Variants in ZC3HAV1 observed in about 807,000 individuals in gnomAD.
The protein encoded by ZC3HAV1 is zinc finger CCCH-type containing, antiviral 1.
A neutral mutation model predicts 86.6 loss-of-function variants in ZC3HAV1; 41 were observed. The ratio of observed to expected loss-of-function variants is 0.47; its 90% confidence interval spans 0.37 to 0.61. The LOEUF is 0.61. Among genes scored for constraint, ZC3HAV1 ranks in the 20% least tolerant of loss-of-function variants. The pLI is 0.00. For missense variants in ZC3HAV1, 964 were observed against 1,141.1 expected (o/e 0.84, Z 2.24); for synonymous variants, 421 against 432.1 (o/e 0.97, Z 0.32).
Position 139,055,315 on chromosome 7 carries a change from A to G in ZC3HAV1, c.2097-20T>C, listed in dbSNP as rs1816252885. The G allele has an allele frequency of 6.2e-7, 1 of 1,603,432 alleles. No individual in the cohort carries two copies. The highest frequency in any genetic ancestry group is 8.5e-7 in the Non-Finnish European group (1 of 1,171,238). ...TGATGGCTACAAATAAAGAGAAAGA[A>G]TTCACTTAACTCTCTGCTCCACAGG... On this transcript the variant is annotated intron_variant, in intron 9 of 12. Coordinates refer to ENST00000242351, the MANE Select transcript of ZC3HAV1 (RefSeq NM_020119.4).
rs370345218 is a variant in ZC3HAV1 at position 139,094,521 on chromosome 7, A to C, written c.309-4762T>G. On this transcript the variant is annotated intron_variant, in intron 1 of 12. Coordinates refer to ENST00000242351, the MANE Select transcript of ZC3HAV1 (RefSeq NM_020119.4). ...TTAAAAAAAAAAAAAAAAACAGCAA[A>C]GACATCCTTGAAAGGAGCAGAATTG... Among the ~76,000 whole-genome samples, 17 of 151,890 alleles carry C rather than the reference A, an allele frequency of 1.1e-4. No homozygotes were observed. The South Asian group carries it at 1.5e-3, about 13-fold the overall frequency.
intron 1 of ZC3HAV1, among the ~76,000 whole-genome samples, chr7:139,097,424 A>ATTTTTTT (rs1278585081): frequency 1.6e-4 from 13 of 81,236 alleles, no homozygotes; most frequent in African/African-American, 8.5e-4. Context: ...ATATATATAT[A>ATTTTTTT]TATATTTTTT....
chr7:139,084,176 T>C (rs1817213048), intron 2 of ZC3HAV1, 144 bp from the exon 3 acceptor site: 1 of 1,154,430 alleles, frequency 8.7e-7, no homozygotes. Context: ...TATTCTGCAG[T>C]CTTTGATGAG....
intron 8 of ZC3HAV1, among the ~76,000 whole-genome samples, chr7:139,064,378 A>G (rs1302858875): frequency 6.6e-6 from 1 of 152,234 alleles, no homozygotes; most frequent in Non-Finnish European, 1.5e-5. Flanking sequence ...ACCTTTCTAT[A>G]GTAGCTCCAA....
chr7:139,098,536 A>T (rs558722995), intron 1 of ZC3HAV1, among the ~76,000 whole-genome samples: 1 of 152,306 alleles, frequency 6.6e-6, no homozygotes, highest in East Asian at 1.9e-4. Flanking sequence ...GAGTGGTGGT[A>T]CACATCTGTA....
intron 1 of ZC3HAV1, among the ~76,000 whole-genome samples, chr7:139,091,344 T>C (rs1050070643): frequency 6.6e-6 from 1 of 152,042 alleles, no homozygotes; most frequent in African/African-American, 2.4e-5. Context: ...TAAAAATAGC[T>C]GTGGTCCCAG....
intron 1 of ZC3HAV1, among the ~76,000 whole-genome samples, chr7:139,094,022 C>G (rs975910070): frequency 2.0e-5 from 3 of 152,234 alleles, no homozygotes; most frequent in East Asian, 3.9e-4. Context: ...GTTTGCTAAG[C>G]TAGCGATGCT....
At position 139,069,603 on chromosome 7, in the gene ZC3HAV1, A is replaced by G. The variant is rs142802447; in HGVS notation, c.1872+4253T>C. 4.1e-4 allele frequency among the ~76,000 whole-genome samples: 63 copies of G among 152,140 alleles called. No individual in the cohort carries two copies. The Middle Eastern group carries it at 0.01, about 25-fold the overall frequency. On this transcript the variant is annotated intron_variant, in intron 7 of 12. Coordinates refer to ENST00000242351, the MANE Select transcript of ZC3HAV1 (RefSeq NM_020119.4). ...CTCTACCCTACACCATTGCTGCCCA[A>G]CTGCCCATCGATTCAATCATCACTT... is the stretch of plus-strand genomic sequence containing the variant.
At chr7:139,067,803 A>G (rs1479399201) in intron 7 of ZC3HAV1, among the ~76,000 whole-genome samples, 1 of 152,216 alleles carries the variant, frequency 6.6e-6, no homozygotes, top group Non-Finnish European at 1.5e-5. Flanking sequence ...GAGAAAGTGA[A>G]GACCTAAAGC....
Position 139,061,118 on chromosome 7 carries a change from C to T in ZC3HAV1, c.2014G>A (p.Ala672Thr). ...ATGACATCCTTTTGAGTTTTGGAAG[C>T]TATGTTTGTCTGAATCATCCCTTTG... ...SFQGMIQTNI[A>T]SKTQKDVIRR... The change falls in exon 9 of 13, where the codon GCT (alanine) becomes ACT (threonine). Residue 672 changes from alanine to threonine, a missense_variant. Coordinates refer to ENST00000242351, the MANE Select transcript of ZC3HAV1 (RefSeq NM_020119.4). The T allele has an allele frequency of 6.2e-7, 1 of 1,613,392 alleles. No individual in the cohort carries two copies. Among genetic ancestry groups the T allele is most frequent in the South Asian group, 1.1e-5 (1 of 91,052 alleles).
intron 12 of ZC3HAV1, among the ~76,000 whole-genome samples, 181 bp from the exon 13 acceptor site, chr7:139,048,034 A>G (rs184331216): frequency 2.0e-5 from 3 of 152,366 alleles, no homozygotes; most frequent in Admixed American, 2.0e-4. Flanking sequence ...ACTTAAATAC[A>G]GTATATAACC....
chr7:139,060,294 T>C, intron 9 of ZC3HAV1: 1 of 985,414 alleles, frequency 1.0e-6, no homozygotes, highest in Non-Finnish European at 1.2e-6. Context: ...GCCTGTTTTA[T>C]GTAATCACAC....
At chr7:139,089,795 T>C (rs1395085668) in intron 1 of ZC3HAV1, 36 bp from the exon 2 acceptor site, 4 of 1,563,290 alleles carry the variant, frequency 2.6e-6, no homozygotes, top group Non-Finnish European at 2.6e-6. Context: ...GTATTTCTAC[T>C]ACACAGATGC....
At chr7:139,056,925 A>T (rs1478654840) in intron 9 of ZC3HAV1, among the ~76,000 whole-genome samples, 2 of 152,250 alleles carry the variant, frequency 1.3e-5, no homozygotes, top group Admixed American at 6.5e-5. Flanking sequence ...AATTATCATT[A>T]ACTTTGTTAC....
intron 1 of ZC3HAV1, among the ~76,000 whole-genome samples, chr7:139,093,542 T>A (rs1188674359): frequency 6.6e-6 from 1 of 152,234 alleles, no homozygotes; most frequent in Non-Finnish European, 1.5e-5. Flanking sequence ...CTGCCTTAAC[T>A]GATGACATTA....
intron 1 of ZC3HAV1, among the ~76,000 whole-genome samples, chr7:139,107,410 G>A (rs767096513): frequency 4.6e-5 from 7 of 152,142 alleles, no homozygotes; most frequent in East Asian, 1.9e-4. Context: ...AATACATTGC[G>A]TCCTCTACCT....
At chr7:139,066,720 C>T (rs757428277) in intron 7 of ZC3HAV1, among the ~76,000 whole-genome samples, 18 of 152,206 alleles carry the variant, frequency 1.2e-4, no homozygotes, top group East Asian at 1.9e-4. Flanking sequence ...TGATGTGGGG[C>T]GGGTAGAACA....
Position 139,079,656 on chromosome 7 carries a change from T to C in ZC3HAV1, c.1285A>G (p.Asn429Asp), listed in dbSNP as rs1335275202. The change falls in exon 4 of 13, where the codon AAT becomes GAT. Residue 429 changes from asparagine to aspartate, a missense_variant. Transcript: ENST00000242351. ...TQDIQPGPLF[N>D]NNADGVATDI... is the part of the protein sequence containing the mutation. ...GTGGCCACTCCATCAGCATTATTAT[T>C]AAAAAGAGGGCCAGGCTGGATGTCC... The C allele has an allele frequency of 6.2e-7, 1 of 1,614,186 alleles. No individual in the cohort carries two copies. The highest frequency in any genetic ancestry group is 1.7e-5 in the Admixed American group (1 of 60,018).
chr7:139,071,958 G>T (rs560417953), intron 7 of ZC3HAV1, among the ~76,000 whole-genome samples: 16 of 152,294 alleles, frequency 1.1e-4, no homozygotes, highest in African/African-American at 3.9e-4. Flanking sequence ...CACTATAGGA[G>T]GTGTTTTTCT....
Sources: allele counts gnomAD v4.1 joint callset (sites outside exome capture counted in the v4.1 genomes callset), GRCh38; gene constraint gnomAD v4.1.1; transcripts MANE v1.5; gene names NCBI Gene and HGNC (gene_info 2026-07-23, HGNC 2026-07-21).